CELF2: variants seen among roughly 807,000 people sequenced by gnomAD.
CELF2 encodes CUG triplet repeat RNA-binding protein 2.
CELF2 carries 8 observed loss-of-function variants against 62.6 expected under a neutral mutation model. The ratio of observed to expected loss-of-function variants is 0.13; its 90% CI spans 0.07 to 0.23. The LOEUF is 0.23. CELF2 is among the 10% of genes least tolerant of loss of function. The pLI is 1.00. For missense variants in CELF2, 333 were observed against 671.0 expected, an observed-to-expected ratio of 0.50 and a Z score of 5.56; for synonymous variants, 258 against 250.0, an observed-to-expected ratio of 1.03 and a Z score of -0.30.
At chr10:10,536,106 G>T in the CELF2 span, among the ~76,000 whole-genome samples, 1 of 149,034 alleles carries the variant, frequency 6.7e-6, no homozygotes, top group Non-Finnish European at 1.5e-5. Context: ...TGCAACCTCC[G>T]CCTCCCGAGT....
chr10:10,844,516 C>T (rs186516074), intron 1 of CELF2, among the ~76,000 whole-genome samples: 445 of 152,166 alleles, frequency 2.9e-3, no homozygotes, highest in Non-Finnish European at 4.0e-3. Flanking sequence ...GAGTCCAGGA[C>T]GGGCTTGCTG....
the CELF2 span, among the ~76,000 whole-genome samples, chr10:10,641,817 C>T: frequency 3.9e-5 from 6 of 152,100 alleles, no homozygotes; most frequent in African/African-American, 1.4e-4. Flanking sequence ...ATCTCACACC[C>T]CATCATGTTT....
At chr10:10,962,378 C>T (rs2049612291) in intron 2 of CELF2, among the ~76,000 whole-genome samples, 1 of 152,178 alleles carries the variant, frequency 6.6e-6, no homozygotes, top group South Asian at 2.1e-4. Context: ...AGAATTCTGC[C>T]CTAAGGGGCT....
Position 11,324,601 on chromosome 10 carries a change from CTG to C in CELF2, c.1295-1232_1295-1231del, listed in dbSNP as rs147500411. Among the ~76,000 whole-genome samples, 251 of 152,358 alleles carry C rather than the reference CTG, an allele frequency of 1.6e-3. 5 individuals carry two copies. The East Asian group carries it at 0.035, about 21-fold the overall frequency. ...TTAAATGAGAAAGGAAGAGTTCACT[CTG>C]TGGCTTCCATAGTTTGCCTCAAGAA... On this transcript the variant is annotated intron_variant, in intron 11 of 12. Transcript: ENST00000633077. This position sits in a 1 kb window ranked among gnomAD's most constrained non-coding sequence, Gnocchi z 4.7.
intron 1 of CELF2, among the ~76,000 whole-genome samples, chr10:11,153,147 T>A (rs957539889): frequency 6.6e-6 from 1 of 152,192 alleles, no homozygotes; most frequent in East Asian, 1.9e-4. Context: ...GCAATTTAAT[T>A]TTTTTTGCTG....
intron 1 of CELF2, among the ~76,000 whole-genome samples, chr10:10,882,697 A>G (rs891909709): frequency 1.3e-5 from 2 of 152,114 alleles, no homozygotes; most frequent in Non-Finnish European, 2.9e-5. Flanking sequence ...CCTCATGTGA[A>G]TTTTCTCCGT....
At chr10:10,968,739 A>C (rs1023555215) in intron 2 of CELF2, among the ~76,000 whole-genome samples, 2 of 152,186 alleles carry the variant, frequency 1.3e-5, no homozygotes, top group Non-Finnish European at 2.9e-5. Context: ...AAGAAAAAAA[A>C]AAACATTCAT....
chr10:10,961,032 A>G (rs975343221), intron 2 of CELF2, among the ~76,000 whole-genome samples: 1 of 152,236 alleles, frequency 6.6e-6, no homozygotes, highest in African/African-American at 2.4e-5. Flanking sequence ...TCATTAGCAC[A>G]GCCCCCAGCT....
intron 9 of CELF2, among the ~76,000 whole-genome samples, chr10:11,289,683 A>T (rs1486823055): frequency 6.6e-6 from 1 of 152,226 alleles, no homozygotes. Context: ...CTTCAAAAAC[A>T]TACCGTTACT....
Position 11,167,798 on chromosome 10 carries a change from G to A in CELF2, c.271+2116G>A, listed in dbSNP as rs79202752. Among the ~76,000 whole-genome samples the A allele has an allele frequency of 7.2e-3, 1,104 of 152,320 alleles. 14 individuals carry two copies. The highest frequency in any genetic ancestry group is 0.025 in the African/African-American group (1,044 of 41,564). ...CTATGTATCTCAGACCCTGTGTCAGGAGCTTTACATGTGTCCTCATTTTGT... is the reference window on the plus strand; with the variant it reads ...CTATGTATCTCAGACCCTGTGTCAGAAGCTTTACATGTGTCCTCATTTTGT... On this transcript the variant is annotated intron_variant, in intron 2 of 12. Coordinates refer to ENST00000633077, the MANE Select transcript of CELF2 (RefSeq NM_001326342.2).
chr10:11,193,225 C>A (rs746187210), intron 2 of CELF2, among the ~76,000 whole-genome samples: 7 of 152,208 alleles, frequency 4.6e-5, no homozygotes, highest in South Asian at 4.2e-4. Context: ...GGATCTGGGC[C>A]AAGCTTCTCC....
chr10:11,126,468 G>T (rs1240521899), intron 1 of CELF2, among the ~76,000 whole-genome samples: 2 of 152,158 alleles, frequency 1.3e-5, no homozygotes, highest in Non-Finnish European at 2.9e-5. Flanking sequence ...ATACATACAA[G>T]TATAGATACA....
chr10:11,132,807 G>A (rs1464965191), intron 1 of CELF2, among the ~76,000 whole-genome samples: 2 of 152,192 alleles, frequency 1.3e-5, no homozygotes, highest in East Asian at 3.8e-4. Flanking sequence ...GGACCCTTAG[G>A]CCTTTGCTCA....
the CELF2 span, among the ~76,000 whole-genome samples, chr10:10,642,444 G>A: frequency 9.9e-5 from 15 of 152,206 alleles, no homozygotes; most frequent in African/African-American, 1.9e-4. Context: ...ACAGCCTGAC[G>A]AGGAGGTTGT....
chr10:10,570,441 C>A, the CELF2 span, among the ~76,000 whole-genome samples: 4 of 151,926 alleles, frequency 2.6e-5, no homozygotes, highest in Non-Finnish European at 4.4e-5. Context: ...ACAAATTCAC[C>A]CCAGGTGAAA....
At chr10:10,881,139 A>G (rs183273054) in intron 1 of CELF2, among the ~76,000 whole-genome samples, 1 of 152,292 alleles carries the variant, frequency 6.6e-6, no homozygotes, top group African/African-American at 2.4e-5. Context: ...CCTCACCTTG[A>G]TCAGTTGCTC....
chr10:10,690,855 T>G, the CELF2 span, among the ~76,000 whole-genome samples: 1 of 152,148 alleles, frequency 6.6e-6, no homozygotes, highest in Non-Finnish European at 1.5e-5. Context: ...CATTCCAGCC[T>G]GGGTGACAGT....
intron 1 of CELF2, among the ~76,000 whole-genome samples, chr10:11,063,469 A>G (rs1450735123): frequency 6.6e-6 from 1 of 152,206 alleles, no homozygotes; most frequent in Non-Finnish European, 1.5e-5. Flanking sequence ...ATTTGAAAGC[A>G]TTGCTGTGTG....
chr10:10,525,154 G>A, the CELF2 span, among the ~76,000 whole-genome samples: 12 of 152,176 alleles, frequency 7.9e-5, no homozygotes, highest in African/African-American at 2.6e-4. Context: ...TAAAATCTAT[G>A]CTCTTAGCAA....
Sources: gnomAD v4.1 joint callset for allele counts (sites outside exome capture counted in the v4.1 genomes callset) on GRCh38, gnomAD v4.1.1 for gene constraint, Gnocchi (gnomAD v3.1) non-coding constraint, MANE v1.5 for transcripts, NCBI Gene and HGNC (gene_info 2026-07-23, HGNC 2026-07-21) for gene names.